PCNX2: variants seen among roughly 807,000 people sequenced by gnomAD.
The protein encoded by PCNX2 is pecanex-like protein 2.
Under a neutral mutation model 223.8 loss-of-function variants are expected in PCNX2, and 168 were observed. The ratio of observed to expected loss-of-function variants is 0.75; its 90% confidence interval spans 0.66 to 0.85. The LOEUF is 0.85. Ranked by LOEUF, PCNX2 falls within the 40% of genes least tolerant of loss-of-function variation. The pLI is 0.00. For synonymous variants in PCNX2, 1,006 were observed against 1,052.6 expected (o/e 0.96, Z 0.86); for missense variants, 2,507 against 2,675.5 (o/e 0.94, Z 1.39).
chr1:232,996,140 G>A (rs1267501938), intron 32 of PCNX2, among the ~76,000 whole-genome samples: 1 of 152,116 alleles, frequency 6.6e-6, no homozygotes, highest in Non-Finnish European at 1.5e-5. Flanking sequence ...GGGATTATAG[G>A]TGTGCACCAC....
chr1:233,312,208 C>T, the PCNX2 span, among the ~76,000 whole-genome samples: 9 of 151,992 alleles, frequency 5.9e-5, no homozygotes, highest in African/African-American at 1.7e-4. Context: ...TAATAGCCAA[C>T]TTAAGCAGAA....
At chr1:233,074,384 G>A (rs1672993058) in intron 23 of PCNX2, among the ~76,000 whole-genome samples, 1 of 152,028 alleles carries the variant, frequency 6.6e-6, no homozygotes, top group South Asian at 2.1e-4. Flanking sequence ...CACGAGGTCA[G>A]GAGATCGAGA....
chr1:233,169,609 C>T (rs1192770573), intron 17 of PCNX2, among the ~76,000 whole-genome samples: 17 of 144,046 alleles, frequency 1.2e-4, no homozygotes, highest in Non-Finnish European at 1.5e-4. Flanking sequence ...CGCGCCACTG[C>T]ACTCCAGCCT....
chr1:233,034,636 T>G lies in PCNX2; in HGVS notation c.4352-9237A>C, dbSNP rs184405162. On this transcript the variant is annotated intron_variant, in intron 25 of 33. Transcript: ENST00000258229. ...AATTTGTGTGGCTGGTAGACACACC[T>G]GCCAAGATGGAGGCAGGGTTGGCAT... is the stretch of plus-strand genomic sequence containing the variant. Among the ~76,000 whole-genome samples the G allele has an allele frequency of 1.6e-4, 25 of 152,346 alleles. No homozygotes were observed. The East Asian group carries it at 4.4e-3, about 27-fold the overall frequency.
the PCNX2 span, among the ~76,000 whole-genome samples, chr1:233,326,322 A>G: frequency 4.6e-5 from 7 of 152,356 alleles, no homozygotes; most frequent in East Asian, 9.6e-4. Flanking sequence ...AATACCTAAT[A>G]TAATGTAAAT....
chr1:233,263,857 C>T (rs1660189313), intron 1 of PCNX2, among the ~76,000 whole-genome samples: 1 of 152,050 alleles, frequency 6.6e-6, no homozygotes, highest in Non-Finnish European at 1.5e-5. Flanking sequence ...CAACAAAACA[C>T]AAAAAGCCTT....
At position 233,055,794 on chromosome 1, in the gene PCNX2, C is replaced by T. The variant is rs60981489; in HGVS notation, c.4136-1311G>A. 5.6e-4 allele frequency among the ~76,000 whole-genome samples: 85 copies of T among 152,202 alleles called. 1 individual carries two copies. Among genetic ancestry groups the T allele is most frequent in the African/African-American group, 2.0e-3 (84 of 41,528 alleles). On this transcript the variant is annotated intron_variant, in intron 24 of 33. Transcript: ENST00000258229. ...AGTGGAGACAGACATTCGGGGAGGA[C>T]AGGGATGAAGACTGCAGATCTGACC...
At chr1:233,050,333 A>G (rs1671957610) in intron 25 of PCNX2, among the ~76,000 whole-genome samples, 1 of 152,050 alleles carries the variant, frequency 6.6e-6, no homozygotes, top group Admixed American at 6.6e-5. Context: ...AAACTATTCT[A>G]AAATCCATAC....
chr1:233,009,722 T>C (rs1321505544), intron 28 of PCNX2, among the ~76,000 whole-genome samples: 1 of 152,072 alleles, frequency 6.6e-6, no homozygotes, highest in East Asian at 1.9e-4. Context: ...ATGTCACTGG[T>C]TTGCGATGGA....
chr1:233,293,548 G>C (rs1661892804), intron 1 of PCNX2, among the ~76,000 whole-genome samples: 1 of 152,180 alleles, frequency 6.6e-6, no homozygotes, highest in South Asian at 2.1e-4. Context: ...TCTAACTACA[G>C]AATGCTGTAA....
At chr1:233,191,163 T>C (rs35911351) in intron 15 of PCNX2, among the ~76,000 whole-genome samples, 13,292 of 152,222 alleles carry the variant, frequency 0.087, 1,388 homozygotes, top group African/African-American at 0.26. Flanking sequence ...CTTTTGAGAG[T>C]ATCTGAACTG....
At chr1:233,032,039 T>C in intron 25 of PCNX2, 1 of 982,254 alleles carries the variant, frequency 1.0e-6, no homozygotes, top group Non-Finnish European at 1.2e-6. Flanking sequence ...TGTACATTAA[T>C]AATATAATTT....
Position 233,031,785 on chromosome 1 carries a change from C to CTT in PCNX2, c.4352-6388_4352-6387dup, listed in dbSNP as rs56699256. 4.6e-3 allele frequency: 4,289 copies of CTT among 933,542 alleles called. 100 individuals carry two copies. The African/African-American group carries it at 0.071, about 15-fold the overall frequency. 57.8% of individuals were successfully genotyped at this position (933,542 alleles called of 1,614,324 possible). On this transcript the variant is annotated intron_variant, in intron 25 of 33. Transcript: ENST00000258229. ...GCTTTGGCTCTTGGCTGAAAGCATT[C>CTT]TTTTTTTTTTTTTTTTTTAAACATT...
At chr1:232,984,638 AG>A in intron 33 of PCNX2, 161 bp from the exon 34 acceptor site, 1 of 720,942 alleles carries the variant, frequency 1.4e-6, no homozygotes, top group Non-Finnish European at 2.2e-6. Context: ...GGGCCAGCAC[AG>A]TGGCCTCTGA....
At chr1:233,040,387 G>A (rs895847046) in intron 25 of PCNX2, among the ~76,000 whole-genome samples, 2 of 152,184 alleles carry the variant, frequency 1.3e-5, no homozygotes, top group Non-Finnish European at 2.9e-5. Flanking sequence ...ACCGCATGCA[G>A]TTCACGTCAT....
At chr1:233,068,461 C>T (rs1005942960) in intron 23 of PCNX2, among the ~76,000 whole-genome samples, 2 of 152,074 alleles carry the variant, frequency 1.3e-5, no homozygotes, top group East Asian at 1.9e-4. Flanking sequence ...ATACAATAGA[C>T]GTCCTTCTCC....
At chr1:233,174,107 G>T (rs1679325207) in intron 17 of PCNX2, among the ~76,000 whole-genome samples, 9 of 140,014 alleles carry the variant, frequency 6.4e-5, no homozygotes, top group African/African-American at 1.0e-4. Context: ...TATTTAATTT[G>T]TATATTATAT....
intron 8 of PCNX2, among the ~76,000 whole-genome samples, chr1:233,242,395 T>C (rs1290682247): frequency 6.6e-6 from 1 of 152,212 alleles, no homozygotes; most frequent in Non-Finnish European, 1.5e-5. Context: ...TTCCATTCAG[T>C]AGACTACCAT....
intron 25 of PCNX2, chr1:233,031,950 G>T (rs1490441308): frequency 1.0e-6 from 1 of 985,108 alleles, no homozygotes; most frequent in Non-Finnish European, 1.2e-6. Flanking sequence ...TGCACACTGG[G>T]ACCCTTGGAT....
Sources: allele counts gnomAD v4.1 joint callset (sites outside exome capture counted in the v4.1 genomes callset), GRCh38; gene constraint gnomAD v4.1.1; transcripts MANE v1.5; gene names NCBI Gene and HGNC (gene_info 2026-07-23, HGNC 2026-07-21).